Variants in COL5A1 observed in about 807,000 individuals in gnomAD.
COL5A1 encodes collagen alpha-1(V) chain.
In COL5A1, 16 loss-of-function variants were observed where a neutral mutation model predicts 263.7. That is an observed-to-expected ratio of 0.06 (90% CI 0.04 to 0.09). The LOEUF (loss-of-function observed/expected upper bound fraction) is 0.09. Ranked by LOEUF, COL5A1 falls within the 10% of genes least tolerant of loss-of-function variation. The probability of loss-of-function intolerance (pLI) is 1.00; values close to 1 mark genes in which losing one functional copy is unlikely to be tolerated. For missense variants in COL5A1, 2,036 were observed against 2,540.5 expected (o/e 0.80, Z 4.27); for synonymous variants, 1,012 against 1,004.5 (o/e 1.01, Z -0.14).
intron 36 of COL5A1, among the ~76,000 whole-genome samples, 162 bp downstream of exon 36, chr9:134,797,063 G>T (rs1050957083): frequency 3.3e-5 from 5 of 152,222 alleles, no homozygotes; most frequent in Non-Finnish European, 7.3e-5. Flanking sequence ...GGTCAGATGA[G>T]GGGGAGACCC....
At position 134,730,464 on chromosome 9, in the gene COL5A1, A is replaced by T; in HGVS notation, c.1153A>T (p.Asn385Tyr). Residue 385 changes from asparagine to tyrosine, a missense_variant, in exon 7 of 66, where the codon AAC becomes TAC. Coordinates refer to ENST00000371817, the MANE Select transcript of COL5A1 (RefSeq NM_000093.5). ...EIPTSTADTS[N>Y]SSNPAPPPGE... ...TCCCACCAGCACCGCCGACACCTCC[A>T]ACTCCTCCAATGTAATTTCTTTCCT... The T allele has an allele frequency of 1.2e-5, 19 of 1,613,994 alleles. No individual in the cohort carries two copies. The highest frequency in any genetic ancestry group is 1.6e-5 in the Non-Finnish European group (19 of 1,179,990).
At chr9:134,763,164 G>A (rs1836530171) in intron 19 of COL5A1, among the ~76,000 whole-genome samples, 1 of 152,184 alleles carries the variant, frequency 6.6e-6, no homozygotes, top group African/African-American at 2.4e-5. Flanking sequence ...TGAGGCGGGC[G>A]GGAAGGTGCA....
At chr9:134,671,672 A>G (rs778270781) in intron 1 of COL5A1, among the ~76,000 whole-genome samples, 4 of 152,182 alleles carry the variant, frequency 2.6e-5, no homozygotes, top group Admixed American at 6.5e-5. Flanking sequence ...GAGTGCGTGA[A>G]GGGTTGAGTG....
In COL5A1 at chr9:134,802,104, C is replaced by T. The variant is rs556850668; in HGVS notation, c.3006+97C>T. ...CGGGCATCTGTTCCCTCCACGATTCCGGAGGTGCAGGTACTGCTGAGAGGT... is the reference window on the plus strand; with the variant it reads ...CGGGCATCTGTTCCCTCCACGATTCTGGAGGTGCAGGTACTGCTGAGAGGT... On this transcript the variant is annotated intron_variant, in intron 38 of 65. Transcript: ENST00000371817. 150 of 1,240,248 alleles carry T rather than the reference C, an allele frequency of 1.2e-4. 1 individual carries two copies. Among genetic ancestry groups the T allele is most frequent in the South Asian group, 1.1e-3 (90 of 83,514 alleles). The allele number at this position is 1,240,248 out of a possible 1,614,324, so 76.8% of individuals were successfully genotyped here. A position where few individuals can be genotyped will look rare whatever the true frequency, so the allele number is the denominator to read the frequency against.
intron 63 of COL5A1, 143 bp downstream of exon 63, chr9:134,826,047 T>C: frequency 1.7e-6 from 1 of 582,858 alleles, no homozygotes; most frequent in South Asian, 2.0e-5. Context: ...AACTGTTCTT[T>C]CAGAAGTAGA....
At chr9:134,692,347 T>A (rs2132553575) in intron 2 of COL5A1, among the ~76,000 whole-genome samples, 1 of 152,314 alleles carries the variant, frequency 6.6e-6, no homozygotes, top group African/African-American at 2.4e-5. Context: ...CGCAAAGGAC[T>A]GCAGCGGTTT....
chr9:134,738,089 G>T (rs1835168250), intron 9 of COL5A1, among the ~76,000 whole-genome samples: 1 of 152,178 alleles, frequency 6.6e-6, no homozygotes, highest in African/African-American at 2.4e-5. Flanking sequence ...CCTTGTCCTG[G>T]CATCCACCTC....
In COL5A1 at chr9:134,766,873, C is replaced by T. The variant is rs992584484; in HGVS notation, c.2134-127C>T. On this transcript the variant is annotated intron_variant, in intron 22 of 65. Coordinates refer to ENST00000371817, the MANE Select transcript of COL5A1 (RefSeq NM_000093.5). ...GGTGGGACCCGGCCGCCTTTCCCTT[C>T]CCGCTGGCATTAGGCAGTGGGGAGC... is the stretch of plus-strand genomic sequence containing the variant. 1.1e-5 allele frequency: 10 copies of T among 949,354 alleles called. No individual in the cohort carries two copies. In the African/African-American group the frequency reaches 1.3e-4, roughly 12 times the overall value. 58.8% of individuals were successfully genotyped at this position (949,354 alleles called of 1,614,324 possible).
intron 27 of COL5A1, 89 bp downstream of exon 27, chr9:134,775,001 GT>G: frequency 8.5e-7 from 1 of 1,180,376 alleles, no homozygotes; most frequent in Non-Finnish European, 1.2e-6. Context: ...GGAATTCTCT[GT>G]GGTTTAATGT....
At chr9:134,737,741 G>A (rs1835156578) in intron 9 of COL5A1, among the ~76,000 whole-genome samples, 2 of 152,094 alleles carry the variant, frequency 1.3e-5, no homozygotes, top group South Asian at 4.1e-4. Context: ...CTTCACAGCT[G>A]TCCACATTGC....
intron 4 of COL5A1, among the ~76,000 whole-genome samples, chr9:134,722,182 G>A (rs980409611): frequency 2.0e-5 from 3 of 152,218 alleles, no homozygotes; most frequent in Non-Finnish European, 4.4e-5. Flanking sequence ...GGGGGTTCTC[G>A]AAGTGAAGGG....
In COL5A1 at chr9:134,744,376, C is replaced by T. The variant is rs144702060; in HGVS notation, c.1494+5568C>T. On this transcript the variant is annotated intron_variant, in intron 11 of 65. Coordinates refer to ENST00000371817, the MANE Select transcript of COL5A1 (RefSeq NM_000093.5). ...ACGCACTCATGCATACATGCCCACACATGCATACATGCACACACTCAACCG... is the reference window on the plus strand; with the variant it reads ...ACGCACTCATGCATACATGCCCACATATGCATACATGCACACACTCAACCG... 8.0e-4 allele frequency among the ~76,000 whole-genome samples: 122 copies of T among 152,066 alleles called. No individual in the cohort carries two copies. The East Asian group carries it at 0.013, about 16-fold the overall frequency.
At chr9:134,798,341 A>G in intron 36 of COL5A1, 67 bp from the exon 37 acceptor site, 2 of 1,453,406 alleles carry the variant, frequency 1.4e-6, no homozygotes, top group Non-Finnish European at 1.9e-6. Flanking sequence ...TCCACGTGGC[A>G]TTAATTCTCA....
At chr9:134,777,611 C>A (rs1209630415) in intron 27 of COL5A1, among the ~76,000 whole-genome samples, 1 of 152,112 alleles carries the variant, frequency 6.6e-6, no homozygotes, top group African/African-American at 2.4e-5. Context: ...GGTCCCATTC[C>A]TCCGATGGGG....
intron 23 of COL5A1, 42 bp downstream of exon 23, chr9:134,767,095 T>A (rs769850313): frequency 6.2e-7 from 1 of 1,602,716 alleles, no homozygotes; most frequent in Non-Finnish European, 8.5e-7. Context: ...GATCCGGCCG[T>A]GGGAGGCACA....
At chr9:134,763,014 ATGTGCATGCACAGGGTGTATGTG>A (rs1836520232) in intron 19 of COL5A1, among the ~76,000 whole-genome samples, 1 of 151,994 alleles carries the variant, frequency 6.6e-6, no homozygotes, top group South Asian at 2.1e-4. Flanking sequence ...CTGTGTATGC[ATGTGCATGCACAGGGTGTATGTG>A]TGTGCACAAG....
intron 64 of COL5A1, among the ~76,000 whole-genome samples, chr9:134,831,533 A>C (rs1033124855): frequency 6.6e-6 from 1 of 152,282 alleles, no homozygotes; most frequent in Non-Finnish European, 1.5e-5. Context: ...GCCCGGAGGG[A>C]CAGAGCGTAG....
chr9:134,792,864 T>C (rs542506698), intron 32 of COL5A1, among the ~76,000 whole-genome samples: 493 of 32,558 alleles, frequency 0.015, 11 homozygotes, highest in East Asian at 0.098. Flanking sequence ...CACGTGTGTG[T>C]GCGCGCGTTT....
chr9:134,833,731 C>T (rs559303996), intron 64 of COL5A1, among the ~76,000 whole-genome samples: 11 of 152,218 alleles, frequency 7.2e-5, no homozygotes, highest in South Asian at 4.1e-4. Flanking sequence ...CCCGAGGCCT[C>T]GTGCCCCGTG....
Sources: allele counts gnomAD v4.1 joint callset (sites outside exome capture counted in the v4.1 genomes callset), GRCh38; gene constraint gnomAD v4.1.1; transcripts MANE v1.5; gene names NCBI Gene and HGNC (gene_info 2026-07-23, HGNC 2026-07-21).